CADPS2: variants seen among roughly 807,000 people sequenced by gnomAD.
CADPS2 encodes the protein calcium-dependent secretion activator 2.
CADPS2 carries 93 observed loss-of-function variants against 172.5 expected under a neutral mutation model. The observed-to-expected ratio is 0.54, with a 90% CI of 0.46 to 0.64. The LOEUF (loss-of-function observed/expected upper bound fraction) is 0.64. Ranked by LOEUF, CADPS2 falls within the 30% of genes least tolerant of loss-of-function variation. The probability of loss-of-function intolerance (pLI) is 0.00; values close to 1 mark genes in which losing one functional copy is unlikely to be tolerated. For synonymous variants in CADPS2, 546 were observed against 555.2 expected (o/e 0.98, Z 0.23); for missense variants, 1,420 against 1,565.9 (o/e 0.91, Z 1.57).
chr7:122,770,378 T>C (rs966295947), intron 1 of CADPS2, among the ~76,000 whole-genome samples: 43 of 152,134 alleles, frequency 2.8e-4, no homozygotes, highest in African/African-American at 1.0e-3. Flanking sequence ...TTATTATTTA[T>C]TTTTTATTTT....
chr7:122,671,176 A>C (rs1056769044), intron 2 of CADPS2, among the ~76,000 whole-genome samples: 2 of 152,184 alleles, frequency 1.3e-5, no homozygotes, highest in Non-Finnish European at 2.9e-5. Context: ...TTTAATTCTT[A>C]TCTCTTTTCC....
At chr7:122,364,429 A>G (rs1232303925) in intron 25 of CADPS2, among the ~76,000 whole-genome samples, 1 of 150,194 alleles carries the variant, frequency 6.7e-6, no homozygotes, top group Non-Finnish European at 1.5e-5. Context: ...AAAAAAAAAA[A>G]AAAAAAAAAG....
At chr7:122,705,976 TATATA>T (rs1208487421) in intron 2 of CADPS2, among the ~76,000 whole-genome samples, 4 of 74,052 alleles carry the variant, frequency 5.4e-5, no homozygotes, top group African/African-American at 1.8e-4. Flanking sequence ...TATAATATAA[TATATA>T]ATATTATATA....
intron 1 of CADPS2, among the ~76,000 whole-genome samples, chr7:122,824,053 C>T (rs897998066): frequency 6.6e-6 from 1 of 152,110 alleles, no homozygotes; most frequent in Admixed American, 6.6e-5. Context: ...TCATTTTGTC[C>T]CTTTGATCTG....
At chr7:122,485,119 T>C (rs757847462) in intron 11 of CADPS2, among the ~76,000 whole-genome samples, 2 of 152,174 alleles carry the variant, frequency 1.3e-5, no homozygotes, top group Non-Finnish European at 2.9e-5. Context: ...TTCTTGGGCC[T>C]CCCTATTTCC....
chr7:122,390,708 TTAGA>T (rs1455572831), intron 22 of CADPS2, among the ~76,000 whole-genome samples: 6 of 152,092 alleles, frequency 3.9e-5, no homozygotes, highest in Non-Finnish European at 8.8e-5. Context: ...TTTGTTATAA[TTAGA>T]TAGATATATG....
chr7:122,805,939 A>C (rs2140063401), intron 1 of CADPS2, among the ~76,000 whole-genome samples: 1 of 152,336 alleles, frequency 6.6e-6, no homozygotes, highest in Admixed American at 6.5e-5. Context: ...ATATTTTTAA[A>C]CTTGCCAACA....
intron 3 of CADPS2, among the ~76,000 whole-genome samples, chr7:122,634,393 A>G (rs772387148): frequency 4.6e-5 from 7 of 152,126 alleles, no homozygotes; most frequent in Non-Finnish European, 8.8e-5. Context: ...GCCTGGTTCA[A>G]TCTTGGGAGG....
Position 122,441,501 on chromosome 7 carries a change from T to G in CADPS2, c.2352+11A>C. Reference sequence around the variant, plus strand: ...AGCAAATAGTATTTATAAAGTAATGTTCAAACATACCCTTTCAAGTAATGA... The same window carrying G: ...AGCAAATAGTATTTATAAAGTAATGGTCAAACATACCCTTTCAAGTAATGA... On this transcript the variant is annotated intron_variant, in intron 16 of 29. Coordinates refer to ENST00000449022, the MANE Select transcript of CADPS2 (RefSeq NM_017954.11). 1.3e-6 allele frequency: 2 copies of G among 1,514,902 alleles called. No individual in the cohort carries two copies. Among genetic ancestry groups the G allele is most frequent in the South Asian group, 2.5e-5 (2 of 78,882 alleles). The allele number at this position is 1,514,902 out of a possible 1,614,324, so 93.8% of individuals were successfully genotyped here. A position where few individuals can be genotyped will look rare whatever the true frequency, so the allele number is the denominator to read the frequency against.
intron 3 of CADPS2, among the ~76,000 whole-genome samples, chr7:122,646,416 A>C (rs1250336376): frequency 2.0e-5 from 3 of 152,120 alleles, no homozygotes; most frequent in African/African-American, 7.2e-5. Context: ...AGCTCTTCAT[A>C]CATTTTTTCT....
At chr7:122,442,038 CATG>C (rs1051833714) in intron 15 of CADPS2, among the ~76,000 whole-genome samples, 7 of 152,158 alleles carry the variant, frequency 4.6e-5, no homozygotes, top group African/African-American at 1.7e-4. Context: ...GCCTGTCTAC[CATG>C]ATGTCTAATT....
At chr7:122,438,209 G>C (rs1563337850) in intron 17 of CADPS2, 132 bp downstream of exon 17, 3 of 1,144,018 alleles carry the variant, frequency 2.6e-6, no homozygotes, top group Admixed American at 4.3e-5. Flanking sequence ...CACCAGCTGA[G>C]ATTTTAATGA....
At chr7:122,375,908 T>A (rs552784094) in intron 25 of CADPS2, among the ~76,000 whole-genome samples, 2,290 of 147,274 alleles carry the variant, frequency 0.016, 27 homozygotes, top group Non-Finnish European at 0.024. Context: ...AAAAAAAAAA[T>A]TAAAAATTAA....
chr7:122,516,837 C>T (rs1227656970), intron 8 of CADPS2, among the ~76,000 whole-genome samples: 1 of 152,010 alleles, frequency 6.6e-6, no homozygotes, highest in Non-Finnish European at 1.5e-5. Context: ...TCATATTATT[C>T]TTTATGCCTT....
intron 4 of CADPS2, among the ~76,000 whole-genome samples, chr7:122,628,481 G>A (rs968064400): frequency 4.6e-5 from 7 of 151,710 alleles, no homozygotes; most frequent in African/African-American, 1.7e-4. Context: ...AATATTGGAA[G>A]TTTTTGCTAA....
intron 7 of CADPS2, among the ~76,000 whole-genome samples, chr7:122,573,908 TAAG>T (rs2067605272): frequency 6.6e-6 from 1 of 152,142 alleles, no homozygotes; most frequent in African/African-American, 2.4e-5. Flanking sequence ...GTTTTCACTG[TAAG>T]AATAAAAATA....
chr7:122,697,097 T>C (rs1191833479), intron 2 of CADPS2, among the ~76,000 whole-genome samples: 1 of 152,146 alleles, frequency 6.6e-6, no homozygotes, highest in Non-Finnish European at 1.5e-5. Flanking sequence ...CTATGTATTA[T>C]GAATATGTAA....
chr7:122,523,821 A>C (rs2060998741), intron 8 of CADPS2, among the ~76,000 whole-genome samples: 1 of 152,158 alleles, frequency 6.6e-6, no homozygotes, highest in South Asian at 2.1e-4. Flanking sequence ...GCTGATTATA[A>C]AATGTCTCAG....
intron 11 of CADPS2, among the ~76,000 whole-genome samples, chr7:122,482,053 C>T (rs1045073752): frequency 6.6e-6 from 1 of 152,110 alleles, no homozygotes; most frequent in African/African-American, 2.4e-5. Flanking sequence ...TATTCAGCCA[C>T]AGTCTTAAAG....
Sources: gnomAD v4.1 joint callset for allele counts (sites outside exome capture counted in the v4.1 genomes callset) on GRCh38, gnomAD v4.1.1 for gene constraint, MANE v1.5 for transcripts, NCBI Gene and HGNC (gene_info 2026-07-23, HGNC 2026-07-21) for gene names.